OPCML: variants seen among roughly 807,000 people sequenced by gnomAD.
OPCML encodes the protein opioid binding protein/cell adhesion molecule like, also known as opioid-binding protein/cell adhesion molecule.
A neutral mutation model predicts 37.8 loss-of-function variants in OPCML; 13 were observed. The ratio of observed to expected loss-of-function variants is 0.34; its 90% CI spans 0.22 to 0.55. The LOEUF (loss-of-function observed/expected upper bound fraction) is 0.55. Ranked by LOEUF, OPCML falls within the 20% of genes least tolerant of loss-of-function variation. OPCML has a pLI of 0.91. For synonymous variants in OPCML, 176 were observed against 168.8 expected, an observed-to-expected ratio of 1.04 and a Z score of -0.33; for missense variants, 341 against 435.6, an observed-to-expected ratio of 0.78 and a Z score of 1.93.
In OPCML at chr11:133,242,438, T is replaced by C. The variant is rs577541041; in HGVS notation, c.61+289826A>G. 1.4e-3 allele frequency among the ~76,000 whole-genome samples: 216 copies of C among 152,266 alleles called. 5 individuals carry two copies. Among genetic ancestry groups the C allele is most frequent in the Middle Eastern group, 0.01 (3 of 294 alleles). On this transcript the variant is annotated intron_variant, in intron 1 of 7. Coordinates refer to ENST00000524381, the MANE Select transcript of OPCML (RefSeq NM_001012393.5). ...ATGGCGGCAATTTATTTTCTCACAC[T>C]TCCAGAGGTAGGAGTCTGAGATCCA... is the stretch of plus-strand genomic sequence containing the variant.
At chr11:133,440,542 CAT>C (rs951447537) in intron 1 of OPCML, among the ~76,000 whole-genome samples, 4 of 151,114 alleles carry the variant, frequency 2.6e-5, no homozygotes, top group Admixed American at 2.0e-4. Flanking sequence ...GACTGACCAA[CAT>C]GGTGAAACCC....
chr11:132,861,247 A>C (rs1408548804), intron 2 of OPCML, among the ~76,000 whole-genome samples: 4 of 152,230 alleles, frequency 2.6e-5, no homozygotes, highest in African/African-American at 7.2e-5. Flanking sequence ...TATAATATAA[A>C]GACAACTTTC....
intron 2 of OPCML, among the ~76,000 whole-genome samples, chr11:132,929,535 C>T (rs942473771): frequency 3.3e-5 from 5 of 152,232 alleles, no homozygotes; most frequent in Admixed American, 6.5e-5. Context: ...GAGAACACTT[C>T]CAAACTCACT....
At chr11:132,715,225 G>T (rs1000679797) in intron 2 of OPCML, among the ~76,000 whole-genome samples, 1 of 152,160 alleles carries the variant, frequency 6.6e-6, no homozygotes, top group Non-Finnish European at 1.5e-5. Context: ...TAGTTTAACT[G>T]GCTCACTCAC....
intron 1 of OPCML, among the ~76,000 whole-genome samples, chr11:133,412,230 A>T (rs1453115643): frequency 6.6e-6 from 1 of 152,220 alleles, no homozygotes; most frequent in Non-Finnish European, 1.5e-5. Flanking sequence ...GAAAAGAACA[A>T]TTGGAGAGGC....
At chr11:132,506,739 T>C (rs767200503) in intron 4 of OPCML, among the ~76,000 whole-genome samples, 1 of 152,058 alleles carries the variant, frequency 6.6e-6, no homozygotes, top group East Asian at 1.9e-4. Context: ...ATCAAATATT[T>C]ATTTCAAAAA....
In OPCML at chr11:133,458,791, G is replaced by A. The variant is rs868072346; in HGVS notation, c.61+73473C>T. Among the ~76,000 whole-genome samples the A allele has an allele frequency of 4.1e-4, 50 of 122,926 alleles. 3 individuals carry two copies. Among genetic ancestry groups the A allele is most frequent in the African/African-American group, 1.6e-3 (45 of 28,414 alleles). The allele number at this position is 122,926 out of a possible 152,430, so 80.6% of individuals were successfully genotyped here. A position where few individuals can be genotyped will look rare whatever the true frequency, so the allele number is the denominator to read the frequency against. ...CACGTGTGTGTATATACACATAGAT[G>A]CACGTGTGTGTGTATATACACATAG... On this transcript the variant is annotated intron_variant, in intron 1 of 7. Transcript: ENST00000524381.
At chr11:133,086,946 T>C (rs10791279) in intron 1 of OPCML, among the ~76,000 whole-genome samples, 88,248 of 152,116 alleles carry the variant, frequency 0.58, 25,799 homozygotes, top group Admixed American at 0.62. Context: ...CAAATCAAAA[T>C]TCTTCTGGAT....
chr11:133,024,685 G>T (rs61910329), intron 1 of OPCML: 4 of 841,656 alleles, frequency 4.8e-6, no homozygotes, highest in South Asian at 1.1e-4. Flanking sequence ...GTCTATGAAA[G>T]TGGTGGGGGA....
chr11:133,227,657 A>G (rs1298236925), intron 1 of OPCML, among the ~76,000 whole-genome samples: 3 of 152,096 alleles, frequency 2.0e-5, no homozygotes, highest in Non-Finnish European at 2.9e-5. Flanking sequence ...AGGCCGTTCC[A>G]TTCTCCCCCT....
At chr11:133,034,308 G>GGGGT (rs1555079919) in intron 1 of OPCML, among the ~76,000 whole-genome samples, 3 of 143,436 alleles carry the variant, frequency 2.1e-5, no homozygotes, top group Admixed American at 1.4e-4. Context: ...TGTATGTATA[G>GGGGT]GTGTGTGTGT....
chr11:132,776,882 G>A (rs1235092682), intron 2 of OPCML, among the ~76,000 whole-genome samples: 4 of 152,018 alleles, frequency 2.6e-5, no homozygotes, highest in South Asian at 2.1e-4. Context: ...GTTGCTCATC[G>A]CTCTCTGTTG....
At chr11:132,992,446 A>T (rs1946800206) in intron 1 of OPCML, among the ~76,000 whole-genome samples, 1 of 152,166 alleles carries the variant, frequency 6.6e-6, no homozygotes, top group East Asian at 1.9e-4. Context: ...TATCTCATTA[A>T]TTCATTTACT....
At chr11:133,327,243 T>G (rs1294466396) in intron 1 of OPCML, among the ~76,000 whole-genome samples, 1 of 151,448 alleles carries the variant, frequency 6.6e-6, no homozygotes, top group Non-Finnish European at 1.5e-5. Context: ...GGGGGATATG[T>G]GGTGTGTGAG....
At chr11:132,543,281 G>A (rs1187066408) in intron 3 of OPCML, among the ~76,000 whole-genome samples, 1 of 152,152 alleles carries the variant, frequency 6.6e-6, no homozygotes, top group African/African-American at 2.4e-5. Context: ...AGAGGCTAAT[G>A]TGGAAGGATT....
chr11:132,708,391 A>G (rs553684990), intron 2 of OPCML, among the ~76,000 whole-genome samples: 10 of 152,356 alleles, frequency 6.6e-5, no homozygotes, highest in African/African-American at 2.2e-4. Context: ...CTATTTGCAC[A>G]GAAGTGTCAA....
intron 2 of OPCML, among the ~76,000 whole-genome samples, chr11:132,905,367 G>T (rs375015445): frequency 6.6e-6 from 1 of 151,770 alleles, no homozygotes; most frequent in South Asian, 2.1e-4. Flanking sequence ...GAGTAGCTGG[G>T]ATTACAGGCA....
intron 1 of OPCML, among the ~76,000 whole-genome samples, chr11:133,044,864 C>T (rs893060497): frequency 1.3e-5 from 2 of 152,086 alleles, no homozygotes; most frequent in East Asian, 1.9e-4. Context: ...ATTCATGAAA[C>T]CCTGGTCAAA....
intron 1 of OPCML, among the ~76,000 whole-genome samples, chr11:133,194,424 G>A (rs1427296574): frequency 6.6e-6 from 1 of 151,958 alleles, no homozygotes; most frequent in Non-Finnish European, 1.5e-5. Flanking sequence ...TGGTCTGACT[G>A]GTCTCGAATT....
Sources: allele counts gnomAD v4.1 joint callset (sites outside exome capture counted in the v4.1 genomes callset), GRCh38; gene constraint gnomAD v4.1.1; transcripts MANE v1.5; gene names NCBI Gene and HGNC (gene_info 2026-07-23, HGNC 2026-07-21).